PXDNL: variants seen among roughly 807,000 people sequenced by gnomAD.
The protein encoded by PXDNL is peroxidasin like.
PXDNL carries 145 observed loss-of-function variants against 150.8 expected under a neutral mutation model. That is an observed-to-expected ratio of 0.96 (90% CI 0.84 to 1.10). The LOEUF (loss-of-function observed/expected upper bound fraction) is 1.10, where lower values mean the gene tolerates loss of function less well. Ranked by LOEUF, PXDNL falls within the 50% of genes least tolerant of loss-of-function variation. The probability of loss-of-function intolerance (pLI) is 0.00; values close to 1 mark genes in which losing one functional copy is unlikely to be tolerated. For missense variants in PXDNL, 2,087 were observed against 1,873.9 expected, an observed-to-expected ratio of 1.11 and a Z score of -2.10; for synonymous variants, 757 against 725.7, an observed-to-expected ratio of 1.04 and a Z score of -0.69.
chr8:51,323,955 A>AAT (rs555092626), intron 21 of PXDNL, among the ~76,000 whole-genome samples: 50,401 of 150,756 alleles, frequency 0.33, 10,107 homozygotes, highest in African/African-American at 0.56. Context: ...AAATAAAAAA[A>AAT]AAAAGAATCT....
chr8:51,409,430 C>G lies in PXDNL; in HGVS notation c.2194G>C (p.Gly732Arg), dbSNP rs994432520. ...CFHAKYRAHD[G>R]TCNNLQQPTW... is the part of the protein sequence containing the mutation. ...GGCTGCTGCAGGTTGTTGCACGTGC[C>G]GTCGTGGGCGCGGTACTTCGCATGG... The change falls in exon 17 of 23, where the codon GGC becomes CGC. Residue 732 changes from glycine (G) to arginine (R), a missense_variant. Gly to Arg is a moderately radical substitution (Grantham distance 125). Coordinates refer to ENST00000356297, the MANE Select transcript of PXDNL (RefSeq NM_144651.5). 6.2e-7 allele frequency: 1 copy of G among 1,612,166 alleles called. No individual in the cohort carries two copies.
intron 1 of PXDNL, among the ~76,000 whole-genome samples, chr8:51,673,383 T>G (rs1815540568): frequency 6.6e-6 from 1 of 152,210 alleles, no homozygotes; most frequent in South Asian, 2.1e-4. Flanking sequence ...TTTTTTACTC[T>G]GTTACATTTT....
At chr8:51,654,526 T>C (rs904017977) in intron 2 of PXDNL, among the ~76,000 whole-genome samples, 163 bp downstream of exon 2, 1 of 144,662 alleles carries the variant, frequency 6.9e-6, no homozygotes, top group Non-Finnish European at 1.5e-5. Context: ...TATAAAAACA[T>C]AGGCAGTGTA....
At chr8:51,390,308 A>G (rs1807853415) in intron 17 of PXDNL, among the ~76,000 whole-genome samples, 2 of 152,202 alleles carry the variant, frequency 1.3e-5, no homozygotes, top group Admixed American at 6.5e-5. Flanking sequence ...ATTTAAAAGC[A>G]TTCAGTAAGT....
chr8:51,597,216 G>T (rs1813590082), intron 2 of PXDNL, among the ~76,000 whole-genome samples: 1 of 152,118 alleles, frequency 6.6e-6, no homozygotes, highest in Admixed American at 6.6e-5. Context: ...ATGATTGTAG[G>T]TGTGTGGCCC....
intron 1 of PXDNL, among the ~76,000 whole-genome samples, chr8:51,744,888 A>T (rs2036960659): frequency 6.8e-6 from 1 of 147,978 alleles, no homozygotes; most frequent in Non-Finnish European, 1.5e-5. Context: ...GAGAAAGAGA[A>T]GGAAGGAAAG....
At chr8:51,689,607 T>G (rs1363841871) in intron 1 of PXDNL, among the ~76,000 whole-genome samples, 1 of 152,060 alleles carries the variant, frequency 6.6e-6, no homozygotes, top group Non-Finnish European at 1.5e-5. Context: ...AACTGCTCCC[T>G]TAATTTCCCA....
At chr8:51,448,586 T>C (rs1318631685) in intron 11 of PXDNL, among the ~76,000 whole-genome samples, 1 of 151,980 alleles carries the variant, frequency 6.6e-6, no homozygotes, top group African/African-American at 2.4e-5. Flanking sequence ...GCACCTGTAG[T>C]CCCAGCTACA....
chr8:51,447,260 GA>G, intron 11 of PXDNL, 98 bp from the exon 12 acceptor site: 8 of 1,279,970 alleles, frequency 6.3e-6, no homozygotes, highest in Non-Finnish European at 6.5e-6. Context: ...TGTCTTTCAG[GA>G]AATTCTCGGT....
chr8:51,674,618 C>G (rs1411784872), intron 1 of PXDNL, among the ~76,000 whole-genome samples: 1 of 152,150 alleles, frequency 6.6e-6, no homozygotes, highest in African/African-American at 2.4e-5. Flanking sequence ...TCCGAAATTC[C>G]AAGTGGCATT....
chr8:51,782,651 C>T (rs2037426132), intron 1 of PXDNL, among the ~76,000 whole-genome samples: 1 of 152,198 alleles, frequency 6.6e-6, no homozygotes, highest in Admixed American at 6.5e-5. Context: ...ACTGAATAAT[C>T]TGTCTAGCAT....
intron 1 of PXDNL, among the ~76,000 whole-genome samples, chr8:51,720,615 G>T (rs1449123747): frequency 2.0e-5 from 3 of 152,164 alleles, no homozygotes; most frequent in African/African-American, 7.2e-5. Flanking sequence ...GCATATAGAT[G>T]AAGTCTCACT....
At chr8:51,694,356 C>A (rs1284950194) in intron 1 of PXDNL, among the ~76,000 whole-genome samples, 3 of 121,532 alleles carry the variant, frequency 2.5e-5, no homozygotes, top group African/African-American at 9.7e-5. Flanking sequence ...GAGCGAGACT[C>A]CGTCTCAAAC....
At chr8:51,796,594 G>A (rs1392827585) in intron 1 of PXDNL, among the ~76,000 whole-genome samples, 2 of 152,054 alleles carry the variant, frequency 1.3e-5, no homozygotes, top group Non-Finnish European at 2.9e-5. Flanking sequence ...TAAATTCCTA[G>A]ACACATACAC....
chr8:51,411,292 C>A lies in PXDNL; in HGVS notation c.2020G>T (p.Glu674Ter). 2 of 1,554,976 alleles carry A rather than the reference C, an allele frequency of 1.3e-6. No homozygotes were observed. The highest frequency in any genetic ancestry group is 1.7e-6 in the Non-Finnish European group (2 of 1,154,280). Reference protein sequence around the residue: ...IFEHTLQLIRERVKQGLTVDL... With the variant: ...IFEHTLQLIR ...ACAGTGAGCCCCTGCTTCACACGTT[C>A]CCGTATCAGCTGCAGCGTGTGCTCA... The change falls in exon 16 of 23, where the codon GAA becomes TAA. Residue 674 changes from glutamate to a stop codon, truncating the protein, a stop_gained. Transcript: ENST00000356297. LOFTEE classifies it high-confidence loss of function.
intron 3 of PXDNL, among the ~76,000 whole-genome samples, chr8:51,585,066 T>C (rs1156310023): frequency 6.6e-6 from 1 of 152,140 alleles, no homozygotes; most frequent in Non-Finnish European, 1.5e-5. Flanking sequence ...AGAAGGCCAA[T>C]ATGATGCACA....
chr8:51,574,935 T>C (rs1349528501), intron 3 of PXDNL, among the ~76,000 whole-genome samples: 2 of 151,848 alleles, frequency 1.3e-5, no homozygotes. Context: ...GGAAAGAAAA[T>C]AATACAAGAA....
At chr8:51,412,596 G>A (rs899078846) in intron 15 of PXDNL, among the ~76,000 whole-genome samples, 2 of 152,114 alleles carry the variant, frequency 1.3e-5, no homozygotes, top group Admixed American at 6.6e-5. Flanking sequence ...ACCACTAACT[G>A]CAAATACTGA....
chr8:51,783,787 T>C (rs1259411520), intron 1 of PXDNL, among the ~76,000 whole-genome samples: 1 of 152,224 alleles, frequency 6.6e-6, no homozygotes, highest in East Asian at 1.9e-4. Context: ...GCCAAGTTCC[T>C]ACCACAGCAT....
Sources: allele counts gnomAD v4.1 joint callset (sites outside exome capture counted in the v4.1 genomes callset), GRCh38; gene constraint gnomAD v4.1.1; transcripts MANE v1.5; gene names NCBI Gene and HGNC (gene_info 2026-07-23, HGNC 2026-07-21).